The following PRDM16 variants were observed in gnomAD, a reference collection of about 807,000 sequenced individuals.
PRDM16 encodes the protein histone-lysine N-methyltransferase PRDM16.
A neutral mutation model predicts 110.6 loss-of-function variants in PRDM16; 23 were observed. That is an observed-to-expected ratio of 0.21 (90% CI 0.15 to 0.29). The LOEUF (loss-of-function observed/expected upper bound fraction) is 0.29, where lower values mean the gene tolerates loss of function less well. Ranked by LOEUF, PRDM16 falls within the 10% of genes least tolerant of loss-of-function variation. The pLI, the probability that PRDM16 is intolerant of heterozygous loss-of-function variation, is 1.00. For missense variants in PRDM16, 1,615 were observed against 1,794.3 expected (o/e 0.90, Z 1.81); for synonymous variants, 799 against 781.8 (o/e 1.02, Z -0.37).
At position 3,412,791 on chromosome 1, in the gene PRDM16, C is replaced by G. The variant is rs912508418; in HGVS notation, c.2594C>G (p.Pro865Arg). 9 of 1,466,064 alleles carry G rather than the reference C, an allele frequency of 6.1e-6. No individual in the cohort carries two copies. The highest frequency in any genetic ancestry group is 1.4e-5 in the South Asian group (1 of 69,770). 90.8% of individuals were successfully genotyped at this position (1,466,064 alleles called of 1,614,324 possible). The part of the protein sequence containing the change: ...YAKPSPFFMD[P>R]IYSRVEKRKV... ...AAGCCCTCGCCCTTCTTCATGGACC[C>G]CATCTACAGGTATTCAGCACCCCAG... Residue 865 changes from proline (P) to arginine (R), a missense_variant, in exon 9 of 17, where the codon CCC (proline) becomes CGC (arginine). Around this residue, in one of 5 missense-constraint regions of PRDM16, gnomAD observed 772 missense variants for 748.3 expected, o/e 1.03. Coordinates refer to ENST00000270722, the MANE Select transcript of PRDM16 (RefSeq NM_022114.4).
At chr1:3,167,140 G>A (rs947801992) in intron 1 of PRDM16, among the ~76,000 whole-genome samples, 5 of 152,100 alleles carry the variant, frequency 3.3e-5, no homozygotes, top group East Asian at 1.9e-4. Context: ...TACTACCACC[G>A]GGGAGCCTGA....
intron 1 of PRDM16, among the ~76,000 whole-genome samples, chr1:3,140,115 C>G (rs551579132): frequency 6.6e-6 from 1 of 152,252 alleles, no homozygotes; most frequent in Non-Finnish European, 1.5e-5. Flanking sequence ...CTTTGGGAAG[C>G]GATCATTTCT....
At position 3,436,889 on chromosome 1, in the gene PRDM16, C is replaced by G; in HGVS notation, c.*3078C>G. The stretch of plus-strand genomic sequence containing the variant: ...CCAAATGCTGCCCCAATGCTAACTC[C>G]TTGGATTGTCAACCCCCATCCCCCA... On this transcript the variant is annotated 3_prime_UTR_variant, in exon 17 of 17. Transcript: ENST00000270722. 1 of 232,820 alleles carries G rather than the reference C, an allele frequency of 4.3e-6. No individual in the cohort carries two copies. Among genetic ancestry groups the G allele is most frequent in the Non-Finnish European group, 8.5e-6 (1 of 117,796 alleles). 14.4% of individuals were successfully genotyped at this position (232,820 alleles called of 1,614,324 possible).
chr1:3,151,283 C>T (rs1569698444), intron 1 of PRDM16, among the ~76,000 whole-genome samples: 1 of 152,206 alleles, frequency 6.6e-6, no homozygotes, highest in East Asian at 1.9e-4. Context: ...CCCCAGAGTC[C>T]AGACAGAAGT....
intron 2 of PRDM16, among the ~76,000 whole-genome samples, chr1:3,228,679 G>A (rs1265097978): frequency 6.6e-6 from 1 of 152,174 alleles, no homozygotes; most frequent in Non-Finnish European, 1.5e-5. Context: ...TCATGAGCTG[G>A]GGGCTCCTCG....
chr1:3,295,602 G>A (rs1359774730), intron 3 of PRDM16, among the ~76,000 whole-genome samples: 4 of 152,090 alleles, frequency 2.6e-5, no homozygotes, highest in Non-Finnish European at 4.4e-5. Context: ...CTCAGGAGCC[G>A]AGCGTCCTCC....
intron 1 of PRDM16, among the ~76,000 whole-genome samples, chr1:3,179,436 TC>T (rs1384529064): frequency 7.2e-5 from 11 of 152,218 alleles, no homozygotes; most frequent in Non-Finnish European, 1.3e-4. Context: ...AGTGGGCAGC[TC>T]CCCTGAGGGA....
At chr1:3,110,135 G>A (rs949964093) in intron 1 of PRDM16, among the ~76,000 whole-genome samples, 2 of 147,984 alleles carry the variant, frequency 1.4e-5, no homozygotes, top group Admixed American at 6.7e-5. Context: ...GGGACACAGT[G>A]TCTGCGGCTC....
chr1:3,185,746 G>A (rs1361011574), intron 1 of PRDM16, among the ~76,000 whole-genome samples: 1 of 152,214 alleles, frequency 6.6e-6, no homozygotes, highest in Non-Finnish European at 1.5e-5. Context: ...CGGCTTCACC[G>A]GCTGTCCCCA....
intron 1 of PRDM16, among the ~76,000 whole-genome samples, chr1:3,174,148 C>T (rs1366590889): frequency 3.3e-5 from 5 of 152,182 alleles, no homozygotes; most frequent in Non-Finnish European, 7.3e-5. Context: ...CTCACCTCTC[C>T]CAGCTTCTGG....
intron 1 of PRDM16, among the ~76,000 whole-genome samples, chr1:3,073,517 C>G (rs1410519833): frequency 6.6e-6 from 1 of 152,184 alleles, no homozygotes; most frequent in African/African-American, 2.4e-5. Flanking sequence ...GCGGGAGGAC[C>G]AGGAGCAGCT....
chr1:3,253,020 C>T (rs978696675), intron 3 of PRDM16, among the ~76,000 whole-genome samples: 66 of 152,212 alleles, frequency 4.3e-4, no homozygotes, highest in Non-Finnish European at 1.5e-4. Context: ...AGGAACCCCT[C>T]GAGCCTGCGC....
chr1:3,192,937 C>T (rs1638350646), intron 2 of PRDM16, among the ~76,000 whole-genome samples: 2 of 152,186 alleles, frequency 1.3e-5, no homozygotes, highest in Non-Finnish European at 2.9e-5. Context: ...CACTGAGTCA[C>T]CACCTGCAAT....
intron 1 of PRDM16, among the ~76,000 whole-genome samples, chr1:3,117,874 CTCCAGGTGGTGCCACAGA>C (rs1642995563): frequency 6.6e-6 from 1 of 152,176 alleles, no homozygotes; most frequent in South Asian, 2.1e-4. Context: ...AGGACAAAGG[CTCCAGGTGGTGCCACAGA>C]TTCACCGGCT....
intron 1 of PRDM16, among the ~76,000 whole-genome samples, chr1:3,184,004 C>G (rs773526131): frequency 2.9e-4 from 44 of 152,314 alleles, no homozygotes; most frequent in African/African-American, 7.9e-4. Flanking sequence ...ACCACCCCCC[C>G]CAATGTACCT....
intron 1 of PRDM16, among the ~76,000 whole-genome samples, chr1:3,077,673 T>C (rs1641930654): frequency 6.6e-6 from 1 of 152,176 alleles, no homozygotes; most frequent in Non-Finnish European, 1.5e-5. Flanking sequence ...TTGGCCTGTT[T>C]GGGAAGCTGA....
At chr1:3,374,642 G>C (rs1013241415) in intron 3 of PRDM16, among the ~76,000 whole-genome samples, 2 of 152,182 alleles carry the variant, frequency 1.3e-5, no homozygotes, top group African/African-American at 2.4e-5. Flanking sequence ...CCCTCCGGAA[G>C]GGGGAGGGGG....
intron 2 of PRDM16, among the ~76,000 whole-genome samples, chr1:3,211,125 T>C (rs964872852): frequency 2.0e-5 from 3 of 152,222 alleles, no homozygotes; most frequent in African/African-American, 7.2e-5. Flanking sequence ...GGTCATTTGT[T>C]CGATGCTGGT....
chr1:3,277,246 G>A (rs1009944807), intron 3 of PRDM16, among the ~76,000 whole-genome samples: 1 of 152,226 alleles, frequency 6.6e-6, no homozygotes, highest in Admixed American at 6.5e-5. Context: ...CTCTGTGCAC[G>A]GCTGGATCTT....
Sources: allele counts gnomAD v4.1 joint callset (sites outside exome capture counted in the v4.1 genomes callset), GRCh38; gene constraint gnomAD v4.1.1; regional missense constraint gnomAD v4.1.1; transcripts MANE v1.5; gene names NCBI Gene and HGNC (gene_info 2026-07-23, HGNC 2026-07-21).